Variants in OPRM1 observed in about 807,000 individuals in gnomAD.
OPRM1 encodes the protein mu-type opioid receptor.
In OPRM1, 27 loss-of-function variants were observed where a neutral mutation model predicts 31.8. The ratio of observed to expected loss-of-function variants is 0.85; its 90% CI spans 0.63 to 1.17. The LOEUF is 1.17. OPRM1 is among the 50% of genes most tolerant of loss of function. OPRM1 has a pLI of 0.00. For missense variants in OPRM1, 536 were observed against 511.1 expected (o/e 1.05, Z -0.47); for synonymous variants, 196 against 189.9 (o/e 1.03, Z -0.26).
chr6:154,152,691 C>A (rs986976357), intron 3 of OPRM1, among the ~76,000 whole-genome samples: 1 of 129,780 alleles, frequency 7.7e-6, no homozygotes, highest in Non-Finnish European at 1.7e-5. Context: ...AAAATATTGT[C>A]CCCATTGCAC....
At position 154,131,337 on chromosome 6, in the gene OPRM1, C is replaced by G. The variant is rs977576602; in HGVS notation, c.*12616C>G. ...AGACTCCTGCCCACAAACTATTTTT[C>G]CTCTCCAGGAATAAGAATGGCAACT... On this transcript the variant is annotated 3_prime_UTR_variant, in exon 4 of 4. Coordinates refer to ENST00000330432, the MANE Select transcript of OPRM1 (RefSeq NM_000914.5). Among the ~76,000 whole-genome samples the G allele has an allele frequency of 6.6e-6, 1 of 152,172 alleles. No homozygotes were observed. The highest frequency in any genetic ancestry group is 2.4e-5 in the African/African-American group (1 of 41,442).
intron 3 of OPRM1, among the ~76,000 whole-genome samples, chr6:154,111,238 C>T (rs1193334131): frequency 6.6e-6 from 1 of 152,138 alleles, no homozygotes; most frequent in African/African-American, 2.4e-5. Flanking sequence ...TATTTAGGTA[C>T]ATGGAGATCT....
intron 3 of OPRM1, among the ~76,000 whole-genome samples, chr6:154,232,755 C>A (rs1779818861): frequency 6.6e-6 from 1 of 152,034 alleles, no homozygotes; most frequent in African/African-American, 2.4e-5. Context: ...CTCTGAGTCA[C>A]TGTACTCACA....
At chr6:154,061,596 A>G (rs540121462) in intron 1 of OPRM1, among the ~76,000 whole-genome samples, 1 of 152,272 alleles carries the variant, frequency 6.6e-6, no homozygotes, top group African/African-American at 2.4e-5. Context: ...ACATGTTCTC[A>G]CTTATAAGTG....
At chr6:154,047,438 TTCTCTCTCTCTCTC>T (rs61704475) in intron 1 of OPRM1, among the ~76,000 whole-genome samples, 1 of 146,506 alleles carries the variant, frequency 6.8e-6, no homozygotes, top group Non-Finnish European at 1.5e-5. Context: ...GTGGGCAAAA[TTCTCTCTCTCTCTC>T]TCTCTCTCTC....
intron 1 of OPRM1, among the ~76,000 whole-genome samples, chr6:154,032,426 A>G (rs1779063149): frequency 1.3e-5 from 2 of 152,266 alleles, no homozygotes; most frequent in African/African-American, 4.8e-5. Flanking sequence ...GGGCATAAGA[A>G]TTTATACTTC....
intron 3 of OPRM1, among the ~76,000 whole-genome samples, chr6:154,231,775 C>G (rs933656823): frequency 1.3e-5 from 2 of 152,154 alleles, no homozygotes; most frequent in Non-Finnish European, 2.9e-5. Flanking sequence ...AGGAGACTGA[C>G]TTGGTTGTAA....
At chr6:154,029,098 T>C (rs796261747) in intron 1 of OPRM1, among the ~76,000 whole-genome samples, 26 of 152,324 alleles carry the variant, frequency 1.7e-4, no homozygotes, top group African/African-American at 6.0e-4. Context: ...GTAGCCCTTC[T>C]CTTGTAGGGG....
chr6:154,211,253 A>G (rs1267359739), intron 3 of OPRM1, among the ~76,000 whole-genome samples: 1 of 152,010 alleles, frequency 6.6e-6, no homozygotes, highest in Non-Finnish European at 1.5e-5. Context: ...CGTCTCTACT[A>G]AAAATACAAA....
intron 3 of OPRM1, among the ~76,000 whole-genome samples, chr6:154,114,616 C>A (rs1562485673): frequency 6.6e-6 from 1 of 151,940 alleles, no homozygotes; most frequent in Non-Finnish European, 1.5e-5. Flanking sequence ...AAATACATGG[C>A]CAAAATCAAA....
In OPRM1 at chr6:154,130,223, C is replaced by A. The variant is rs2128533096; in HGVS notation, c.*11502C>A. ...TCACTCTGTCGCCCAGGCTGGAGTGCAGTGGCTCAATCTTGGCTCACTGCA... is the reference window on the plus strand; with the variant it reads ...TCACTCTGTCGCCCAGGCTGGAGTGAAGTGGCTCAATCTTGGCTCACTGCA... On this transcript the variant is annotated 3_prime_UTR_variant, in exon 4 of 4. Transcript: ENST00000330432. 6.9e-6 allele frequency among the ~76,000 whole-genome samples: 1 copy of A among 145,334 alleles called. No homozygotes were observed. The highest frequency in any genetic ancestry group is 2.0e-4 in the East Asian group (1 of 4,938).
At position 154,125,531 on chromosome 6, in the gene OPRM1, C is replaced by A. The variant is rs1017993643; in HGVS notation, c.*6810C>A. 2.0e-5 allele frequency among the ~76,000 whole-genome samples: 3 copies of A among 152,092 alleles called. No individual in the cohort carries two copies. Among genetic ancestry groups the A allele is most frequent in the Non-Finnish European group, 4.4e-5 (3 of 68,026 alleles). ...GTTTTAGAGAGAGAGCACAGAGTCCCTTTGAGACAGTGGGGAAAATTCATC... is the reference window on the plus strand; with the variant it reads ...GTTTTAGAGAGAGAGCACAGAGTCCATTTGAGACAGTGGGGAAAATTCATC... On this transcript the variant is annotated 3_prime_UTR_variant, in exon 4 of 4. Coordinates refer to ENST00000330432, the MANE Select transcript of OPRM1 (RefSeq NM_000914.5).
intron 1 of OPRM1, among the ~76,000 whole-genome samples, chr6:154,077,804 C>T (rs1434541839): frequency 6.6e-6 from 1 of 151,836 alleles, no homozygotes; most frequent in African/African-American, 2.4e-5. Flanking sequence ...GTCTCTCTTT[C>T]CCTCTTCATA....
chr6:154,094,330 A>ACT, intron 3 of OPRM1: 1 of 710,556 alleles, frequency 1.4e-6, no homozygotes, highest in Non-Finnish European at 2.2e-6. Context: ...TAATTTGATA[A>ACT]GCCAATGAGA....
chr6:154,185,103 T>C (rs911970462), intron 3 of OPRM1, among the ~76,000 whole-genome samples: 4 of 152,174 alleles, frequency 2.6e-5, no homozygotes, highest in Non-Finnish European at 4.4e-5. Context: ...AATATATCCA[T>C]TGGTGATAAA....
chr6:154,159,792 T>C, intron 3 of OPRM1: 1 of 1,508,140 alleles, frequency 6.6e-7, no homozygotes, highest in Non-Finnish European at 9.2e-7. Flanking sequence ...GAGTTGCTTG[T>C]GATAAAATAT....
chr6:154,109,546 A>G (rs1796084622), intron 3 of OPRM1, among the ~76,000 whole-genome samples: 1 of 152,146 alleles, frequency 6.6e-6, no homozygotes, highest in African/African-American at 2.4e-5. Context: ...AGATTTGATG[A>G]TTAGGGAATC....
At chr6:154,110,735 A>G (rs560134139) in intron 3 of OPRM1, among the ~76,000 whole-genome samples, 58 of 152,002 alleles carry the variant, frequency 3.8e-4, no homozygotes, top group Non-Finnish European at 7.6e-4. Context: ...AAAAATTCAA[A>G]AACTTAGCAG....
chr6:154,152,331 G>GAAAAGA (rs748560205), intron 3 of OPRM1, among the ~76,000 whole-genome samples: 13,713 of 50,040 alleles, frequency 0.27, 1,234 homozygotes, highest in East Asian at 0.35. Flanking sequence ...AAGAAAGAAA[G>GAAAAGA]AAAGAAAGAA....
Sources: allele counts gnomAD v4.1 joint callset (sites outside exome capture counted in the v4.1 genomes callset), GRCh38; gene constraint gnomAD v4.1.1; transcripts MANE v1.5; gene names NCBI Gene and HGNC (gene_info 2026-07-23, HGNC 2026-07-21).